SPON2: variants seen among roughly 807,000 people sequenced by gnomAD.
SPON2 encodes the protein spondin 2, also known as spondin-2.
A neutral mutation model predicts 29.9 loss-of-function variants in SPON2; 32 were observed. The observed-to-expected ratio is 1.07, with a 90% CI of 0.81 to 1.44. SPON2 has a LOEUF of 1.44. SPON2 is among the 40% of genes most tolerant of loss of function. SPON2 has a pLI of 0.00. For synonymous variants in SPON2, 248 were observed against 209.1 expected, an observed-to-expected ratio of 1.19 and a Z score of -1.61; for missense variants, 541 against 455.5, an observed-to-expected ratio of 1.19 and a Z score of -1.71.
At chr4:1,167,683 G>A (rs1577894752) in intron 5 of SPON2, 27 bp from the exon 6 acceptor site, 1 of 1,556,244 alleles carries the variant, frequency 6.4e-7, no homozygotes, top group East Asian at 2.3e-5. Context: ...GGAGACCGAG[G>A]TGAACGCTCG....
At chr4:1,186,124 G>A (rs1055547759) in intron 1 of SPON2, among the ~76,000 whole-genome samples, 36 of 150,170 alleles carry the variant, frequency 2.4e-4, no homozygotes, top group African/African-American at 7.3e-4. Flanking sequence ...GGCGCCTGTA[G>A]TCCCAGCTAC....
intron 1 of SPON2, among the ~76,000 whole-genome samples, chr4:1,204,720 C>T (rs962511545): frequency 2.0e-5 from 3 of 152,172 alleles, no homozygotes; most frequent in East Asian, 1.9e-4. Context: ...CTGTGGCAGC[C>T]GGCCAGCACG....
upstream of SPON2, among the ~76,000 whole-genome samples, chr4:1,198,194 G>A (rs974521965): frequency 1.5e-4 from 23 of 152,218 alleles, no homozygotes; most frequent in African/African-American, 5.1e-4. Flanking sequence ...CCGCTCGGCC[G>A]GGGCAGCTGC....
intron 5 of SPON2, among the ~76,000 whole-genome samples, chr4:1,169,170 G>A (rs1727340103): frequency 6.6e-6 from 1 of 151,886 alleles, no homozygotes; most frequent in Admixed American, 6.6e-5. Flanking sequence ...GTGCTCCCCT[G>A]CCCACTGTGG....
At chr4:1,177,426 C>G (rs1317105927), upstream of SPON2, among the ~76,000 whole-genome samples, 1 of 152,212 alleles carries the variant, frequency 6.6e-6, no homozygotes, top group Non-Finnish European at 1.5e-5. Context: ...TGTGAAGCTC[C>G]TTTCCCAGTC....
At chr4:1,168,871 G>A (rs960714339) in intron 5 of SPON2, among the ~76,000 whole-genome samples, 16 of 152,326 alleles carry the variant, frequency 1.1e-4, no homozygotes, top group African/African-American at 3.6e-4. Context: ...CGTGGACCTG[G>A]CGGAGCCTCC....
At chr4:1,167,945 C>T (rs1237886740) in intron 5 of SPON2, 1 of 346,920 alleles carries the variant, frequency 2.9e-6, no homozygotes, top group Non-Finnish European at 5.2e-6. Context: ...AGTAAGGGGC[C>T]CCTGGGAACC....
intron 5 of SPON2, 34 bp downstream of exon 5, chr4:1,170,368 G>A (rs537998455): frequency 1.9e-6 from 3 of 1,594,668 alleles, no homozygotes; most frequent in African/African-American, 1.4e-5. Context: ...GTTCGGGGCT[G>A]CTGTGTGTCC....
At chr4:1,173,901 C>G (rs945035478), upstream of SPON2, among the ~76,000 whole-genome samples, 4 of 152,236 alleles carry the variant, frequency 2.6e-5, no homozygotes, top group African/African-American at 4.8e-5. Context: ...CTCCTTCATA[C>G]TCTTAAAGGT....
chr4:1,201,707 T>G (rs1014577230), intron 1 of SPON2, among the ~76,000 whole-genome samples: 1 of 152,106 alleles, frequency 6.6e-6, no homozygotes, highest in African/African-American at 2.4e-5. Flanking sequence ...CTCAGCCTCC[T>G]GAGTAGCTGG....
At chr4:1,177,595 G>C (rs113341589), upstream of SPON2, among the ~76,000 whole-genome samples, 313 of 152,282 alleles carry the variant, frequency 2.1e-3, 1 homozygote, top group South Asian at 4.6e-3. Flanking sequence ...GCCTCAGGCT[G>C]TGGCCCTGCC....
At chr4:1,183,511 G>T (rs1234805039) in intron 1 of SPON2, among the ~76,000 whole-genome samples, 1 of 152,198 alleles carries the variant, frequency 6.6e-6, no homozygotes, top group Non-Finnish European at 1.5e-5. Context: ...TGATTTAAGA[G>T]AATGTGTTTT....
rs1560200881 is a variant in SPON2, at chr4:1,170,590, A to G, written c.637-14T>C. ...GGAGGACGTTATCTGGGGAGGAAGA[A>G]GAGGAGGTTGGCCTGGGGTCCGAGA... On this transcript the variant is annotated splice_polypyrimidine_tract_variant and intron_variant, in intron 4 of 5. Coordinates refer to ENST00000290902, the MANE Select transcript of SPON2 (RefSeq NM_012445.4). 14 of 1,605,766 alleles carry G rather than the reference A, an allele frequency of 8.7e-6. No homozygotes were observed. Among genetic ancestry groups the G allele is most frequent in the East Asian group, 2.2e-5 (1 of 44,492 alleles).
At chr4:1,169,159 T>A (rs7659524) in intron 5 of SPON2, among the ~76,000 whole-genome samples, 4 of 151,796 alleles carry the variant, frequency 2.6e-5, no homozygotes, top group Non-Finnish European at 5.9e-5. Flanking sequence ...GCACTGGCCA[T>A]GTGCTCCCCT....
At chr4:1,171,237 C>A (rs1387806857) in intron 3 of SPON2, 26 bp downstream of exon 3, 59 of 1,429,180 alleles carry the variant, frequency 4.1e-5, no homozygotes, top group Non-Finnish European at 3.4e-5. Flanking sequence ...CCCCCGGACC[C>A]CGCCCCCGGC....
intron 2 of SPON2, among the ~76,000 whole-genome samples, chr4:1,178,468 A>C (rs1184266153): frequency 1.4e-5 from 2 of 143,146 alleles, no homozygotes; most frequent in African/African-American, 2.6e-5. Flanking sequence ...TTCCCGCCCC[A>C]CTCTCCTCTG....
At chr4:1,206,303 C>T (rs1728340589) in intron 1 of SPON2, among the ~76,000 whole-genome samples, 1 of 152,166 alleles carries the variant, frequency 6.6e-6, no homozygotes, top group Admixed American at 6.5e-5. Flanking sequence ...CACTCACCCA[C>T]CCGGCTGCAG....
chr4:1,187,437 TG>T (rs1236201914), intron 1 of SPON2, among the ~76,000 whole-genome samples: 1 of 152,166 alleles, frequency 6.6e-6, no homozygotes, highest in Non-Finnish European at 1.5e-5. Flanking sequence ...GTTATGGAGA[TG>T]GATGGGGTGA....
At chr4:1,167,738 G>A (rs376729976) in intron 5 of SPON2, 82 bp from the exon 6 acceptor site, 7 of 1,449,316 alleles carry the variant, frequency 4.8e-6, no homozygotes, top group Admixed American at 4.3e-5. Context: ...TCCCACCAAC[G>A]TGTGCATTCA....
Sources: gnomAD v4.1 joint callset for allele counts (sites outside exome capture counted in the v4.1 genomes callset) on GRCh38, gnomAD v4.1.1 for gene constraint, MANE v1.5 for transcripts, NCBI Gene and HGNC (gene_info 2026-07-23, HGNC 2026-07-21) for gene names.